The following NAA30 variants were observed in gnomAD, a reference collection of about 807,000 sequenced individuals.
NAA30 encodes the protein N-alpha-acetyltransferase 30.
NAA30 carries 5 observed loss-of-function variants against 31.4 expected under a neutral mutation model. The observed-to-expected ratio is 0.16, with a 90% CI of 0.08 to 0.33. The LOEUF is 0.33. Ranked by LOEUF, NAA30 falls within the 10% of genes least tolerant of loss-of-function variation. The pLI, the probability that NAA30 is intolerant of heterozygous loss-of-function variation, is 1.00. For missense variants in NAA30, 428 were observed against 490.8 expected, an observed-to-expected ratio of 0.87 and a Z score of 1.21; for synonymous variants, 222 against 207.1, an observed-to-expected ratio of 1.07 and a Z score of -0.62.
At chr14:57,398,795 C>T (rs888165203) in intron 3 of NAA30, among the ~76,000 whole-genome samples, 4 of 152,044 alleles carry the variant, frequency 2.6e-5, no homozygotes, top group Admixed American at 2.0e-4. Flanking sequence ...ACCTGTAATG[C>T]CTGGCTAATT....
rs951092568 is a variant in NAA30 at position 57,413,377 on chromosome 14, A to G, written c.*3861A>G. ...TCTGAGTTTGTTTTATTTGGGCCTTATGTGGAACTCGAAATACTTCATAAA... is the reference window on the plus strand; with the variant it reads ...TCTGAGTTTGTTTTATTTGGGCCTTGTGTGGAACTCGAAATACTTCATAAA... On this transcript the variant is annotated 3_prime_UTR_variant, in exon 5 of 5. Transcript: ENST00000556492. 1.3e-5 allele frequency: 2 copies of G among 152,214 alleles called. No homozygotes were observed. The highest frequency in any genetic ancestry group is 2.9e-5 in the Non-Finnish European group (2 of 68,038). 9.4% of individuals were successfully genotyped at this position (152,214 alleles called of 1,614,324 possible).
rs528520377 is a variant in NAA30 at position 57,409,620 on chromosome 14, C to A, written c.*104C>A. ...GCAGGTGGATTTAGTAATTTCCATGCAGCTCTTACCTGTCAGTGTCTCATT... is the reference window on the plus strand; with the variant it reads ...GCAGGTGGATTTAGTAATTTCCATGAAGCTCTTACCTGTCAGTGTCTCATT... On this transcript the variant is annotated 3_prime_UTR_variant, in exon 5 of 5. Transcript: ENST00000556492. The A allele has an allele frequency of 3.6e-6, 4 of 1,116,266 alleles. No homozygotes were observed. The highest frequency in any genetic ancestry group is 1.6e-5 in the African/African-American group (1 of 63,056). 69.1% of individuals were successfully genotyped at this position (1,116,266 alleles called of 1,614,324 possible).
chr14:57,399,893 TA>T lies in NAA30; in HGVS notation c.951+15del. ...GGGAGACTGTGATGAGGTAAGTCTT[TA>T]AAAATGTTTAATATTTTTTATCTGG... On this transcript the variant is annotated intron_variant, in intron 4 of 4. Coordinates refer to ENST00000556492, the MANE Select transcript of NAA30 (RefSeq NM_001011713.3). 2 of 1,368,996 alleles carry T rather than the reference TA, an allele frequency of 1.5e-6. No homozygotes were observed. The highest frequency in any genetic ancestry group is 2.1e-6 in the Non-Finnish European group (2 of 973,076). 84.8% of individuals were successfully genotyped at this position (1,368,996 alleles called of 1,614,324 possible). A position where few individuals can be genotyped will look rare whatever the true frequency, so the allele number is the denominator to read the frequency against.
intron 2 of NAA30, among the ~76,000 whole-genome samples, chr14:57,394,058 T>C (rs756328714): frequency 1.1e-4 from 16 of 151,112 alleles, no homozygotes; most frequent in Non-Finnish European, 2.4e-4. Flanking sequence ...TTGCCAATAC[T>C]TGATTAATAA....
chr14:57,404,597 C>T (rs1461668284), intron 4 of NAA30, among the ~76,000 whole-genome samples: 2 of 152,124 alleles, frequency 1.3e-5, no homozygotes, highest in Non-Finnish European at 2.9e-5. Flanking sequence ...TCCGTTTTCA[C>T]ATTGCTGATA....
chr14:57,391,392 T>C lies in NAA30; in HGVS notation c.435T>C (p.Asn145=). 1.9e-6 allele frequency: 3 copies of C among 1,608,924 alleles called. No homozygotes were observed. Among genetic ancestry groups the C allele is most frequent in the Non-Finnish European group, 2.5e-6 (3 of 1,177,900 alleles). Reference sequence around the variant, plus strand: ...GGCCCCCTCACTCCCTCTCTAGTAATGCAAGAACTGCGGTCCCCAGCCCGG... The same window carrying C: ...GGCCCCCTCACTCCCTCTCTAGTAACGCAAGAACTGCGGTCCCCAGCCCGG... ...GERPPHSLSS[N]ARTAVPSPVE... Residue 145 remains asparagine, a synonymous_variant, in exon 2 of 5, where the codon AAT becomes AAC. Coordinates refer to ENST00000556492, the MANE Select transcript of NAA30 (RefSeq NM_001011713.3). This position sits in a 1 kb window ranked among gnomAD's most constrained non-coding sequence, Gnocchi z 4.1.
At chr14:57,406,902 T>G (rs1031684726) in intron 4 of NAA30, among the ~76,000 whole-genome samples, 3 of 152,130 alleles carry the variant, frequency 2.0e-5, no homozygotes, top group African/African-American at 7.2e-5. Context: ...GTATTTTAAT[T>G]TGTTTTTTGA....
intron 3 of NAA30, among the ~76,000 whole-genome samples, chr14:57,397,486 G>T (rs2066456116): frequency 6.6e-6 from 1 of 152,046 alleles, no homozygotes; most frequent in African/African-American, 2.4e-5. Context: ...CATGTATTTG[G>T]GCCCCTCACC....
intron 3 of NAA30, among the ~76,000 whole-genome samples, chr14:57,398,045 A>C (rs894762312): frequency 6.6e-6 from 1 of 152,236 alleles, no homozygotes; most frequent in Admixed American, 6.5e-5. Context: ...CATAAAAAAA[A>C]GTTTAATACC....
chr14:57,400,303 G>T (rs1183946910), intron 4 of NAA30, among the ~76,000 whole-genome samples: 11 of 152,178 alleles, frequency 7.2e-5, no homozygotes, highest in African/African-American at 2.7e-4. Context: ...TGTTGGCTAG[G>T]GGGAAGACAA....
chr14:57,392,293 G>A (rs1292924816), intron 2 of NAA30, among the ~76,000 whole-genome samples: 1 of 152,080 alleles, frequency 6.6e-6, no homozygotes, highest in Non-Finnish European at 1.5e-5. Flanking sequence ...CTGCTTTCTG[G>A]TACTCCATTC....
At chr14:57,399,048 A>G (rs897043486) in intron 3 of NAA30, among the ~76,000 whole-genome samples, 1 of 151,850 alleles carries the variant, frequency 6.6e-6, no homozygotes, top group African/African-American at 2.4e-5. Context: ...TTTTTAATAG[A>G]GACGGGGTTT....
rs912605706 is a variant in NAA30 at position 57,414,149 on chromosome 14, C to T, written c.*4633C>T. On this transcript the variant is annotated 3_prime_UTR_variant, in exon 5 of 5. Transcript: ENST00000556492. The stretch of plus-strand genomic sequence containing the variant: ...CACAATTAGGCCAGATGTGGTGGCT[C>T]ACGCCTATTATCCCAGCGTTTTGGG... 4 of 152,230 alleles carry T rather than the reference C, an allele frequency of 2.6e-5. No individual in the cohort carries two copies. Among genetic ancestry groups the T allele is most frequent in the African/African-American group, 9.7e-5 (4 of 41,450 alleles). The allele number at this position is 152,230 out of a possible 1,614,324, so 9.4% of individuals were successfully genotyped here.
In NAA30 at chr14:57,412,486, GACATC is replaced by G. The variant is rs1207414490; in HGVS notation, c.*2973_*2977del. 1 of 152,164 alleles carries G rather than the reference GACATC, an allele frequency of 6.6e-6. No individual in the cohort carries two copies. Among genetic ancestry groups the G allele is most frequent in the Admixed American group, 6.5e-5 (1 of 15,282 alleles). The allele number at this position is 152,164 out of a possible 1,614,324, so 9.4% of individuals were successfully genotyped here. ...TCAGAGTTACTTTTCAGTGCACCAT[GACATC>G]ACTAAAATGAGTGCTGTAATGTTAC... On this transcript the variant is annotated 3_prime_UTR_variant, in exon 5 of 5. Coordinates refer to ENST00000556492, the MANE Select transcript of NAA30 (RefSeq NM_001011713.3).
At chr14:57,401,818 A>G (rs562820990) in intron 4 of NAA30, among the ~76,000 whole-genome samples, 3 of 152,328 alleles carry the variant, frequency 2.0e-5, no homozygotes, top group African/African-American at 2.4e-5. Context: ...AATGATATGA[A>G]GATTTTTATT....
intron 3 of NAA30, among the ~76,000 whole-genome samples, 165 bp from the exon 4 acceptor site, chr14:57,399,663 C>G (rs1465296223): frequency 6.6e-6 from 1 of 152,206 alleles, no homozygotes; most frequent in Non-Finnish European, 1.5e-5. Context: ...GTTGGCTTCT[C>G]TTAGCTTATA....
chr14:57,409,116 A>G (rs1359118721), intron 4 of NAA30, among the ~76,000 whole-genome samples: 1 of 152,198 alleles, frequency 6.6e-6, no homozygotes, highest in African/African-American at 2.4e-5. Context: ...TTGTTTTAGT[A>G]TAAAACATAC....
intron 4 of NAA30, among the ~76,000 whole-genome samples, chr14:57,407,095 G>A (rs748565985): frequency 3.3e-5 from 5 of 152,066 alleles, no homozygotes; most frequent in South Asian, 2.1e-4. Context: ...CTTTCACCAC[G>A]TTGCCTAGCC....
intron 3 of NAA30, among the ~76,000 whole-genome samples, chr14:57,399,512 T>C (rs918702181): frequency 3.3e-5 from 5 of 152,228 alleles, no homozygotes; most frequent in African/African-American, 1.2e-4. Context: ...CCATATCTTG[T>C]CTTTTTCTCT....
Sources: allele counts gnomAD v4.1 joint callset (sites outside exome capture counted in the v4.1 genomes callset), GRCh38; gene constraint gnomAD v4.1.1; non-coding constraint Gnocchi (gnomAD v3.1); transcripts MANE v1.5; gene names NCBI Gene and HGNC (gene_info 2026-07-23, HGNC 2026-07-21).